CYB5R4: variants seen among roughly 807,000 people sequenced by gnomAD.
The protein encoded by CYB5R4 is N-terminal cytochrome b5 and cytochrome b5 oxidoreductase domain-containing protein.
In CYB5R4, 55 loss-of-function variants were observed where a neutral mutation model predicts 70.2. The ratio of observed to expected loss-of-function variants is 0.78; its 90% CI spans 0.63 to 0.98. The LOEUF is 0.98. Among genes scored for constraint, CYB5R4 ranks in the 50% least tolerant of loss-of-function variants. CYB5R4 has a pLI of 0.00. For synonymous variants in CYB5R4, 197 were observed against 199.5 expected (o/e 0.99, Z 0.11); for missense variants, 562 against 612.6 (o/e 0.92, Z 0.87).
At chr6:83,924,142 C>CTTTTTTTTTT (rs35960110) in intron 9 of CYB5R4, among the ~76,000 whole-genome samples, 3 of 129,930 alleles carry the variant, frequency 2.3e-5, no homozygotes, top group African/African-American at 6.1e-5. Context: ...ACATCTCAAC[C>CTTTTTTTTTT]TTTTTTTTTT....
In CYB5R4 at chr6:83,859,720, A is replaced by G. The variant is rs1412353047; in HGVS notation, c.-63A>G. 6.4e-6 allele frequency: 10 copies of G among 1,572,420 alleles called. No homozygotes were observed. In the East Asian group the frequency reaches 2.3e-4, roughly 36 times the overall value. ...GGCCTCTGCCCGGCCACAGAGCCGG[A>G]GCTGGAGGTGCTGTCCCGTCTGGCG... On this transcript the variant is annotated 5_prime_UTR_variant, in exon 1 of 16. Transcript: ENST00000369681.
intron 14 of CYB5R4, among the ~76,000 whole-genome samples, chr6:83,948,283 C>T (rs140928075): frequency 0.014 from 2,177 of 152,124 alleles, 50 homozygotes; most frequent in African/African-American, 0.049. Flanking sequence ...AACCAAATAC[C>T]GCATGTTCTT....
At chr6:83,953,774 T>C (rs535792963) in intron 14 of CYB5R4, among the ~76,000 whole-genome samples, 1 of 152,288 alleles carries the variant, frequency 6.6e-6, no homozygotes, top group South Asian at 2.1e-4. Context: ...GCTGATTGGC[T>C]AGAGGAGGAG....
chr6:83,867,027 A>G (rs2099456835), intron 2 of CYB5R4, among the ~76,000 whole-genome samples: 1 of 152,136 alleles, frequency 6.6e-6, no homozygotes, highest in Admixed American at 6.5e-5. Context: ...ATCTTTTTAC[A>G]GAGTTTGGTC....
At chr6:83,940,001 T>G in intron 12 of CYB5R4, 55 bp from the exon 13 acceptor site, 1 of 1,373,774 alleles carries the variant, frequency 7.3e-7, no homozygotes, top group Admixed American at 2.3e-5. Flanking sequence ...GCTGGGTTTT[T>G]TGTTTTGTTT....
At chr6:83,873,686 C>T (rs1231126932) in intron 2 of CYB5R4, among the ~76,000 whole-genome samples, 2 of 152,162 alleles carry the variant, frequency 1.3e-5, no homozygotes, top group Non-Finnish European at 2.9e-5. Flanking sequence ...CAAGGGTCTG[C>T]TATGCGTGTG....
intron 2 of CYB5R4, among the ~76,000 whole-genome samples, chr6:83,875,350 G>C (rs971163076): frequency 6.6e-6 from 1 of 151,908 alleles, no homozygotes; most frequent in African/African-American, 2.4e-5. Flanking sequence ...GGCTTAAGCG[G>C]TCCTCCTATA....
intron 1 of CYB5R4, among the ~76,000 whole-genome samples, chr6:83,860,565 C>T (rs1482175552): frequency 1.3e-5 from 2 of 152,114 alleles, no homozygotes; most frequent in Non-Finnish European, 2.9e-5. Flanking sequence ...AAATTGTGTT[C>T]TTTGTTCTTT....
At chr6:83,907,887 A>G (rs746023095) in intron 3 of CYB5R4, among the ~76,000 whole-genome samples, 1 of 152,096 alleles carries the variant, frequency 6.6e-6, no homozygotes, top group Non-Finnish European at 1.5e-5. Context: ...ATTTATGGGC[A>G]TTTAGGTTGA....
chr6:83,924,693 A>G, intron 10 of CYB5R4, 101 bp downstream of exon 10: 2 of 1,270,342 alleles, frequency 1.6e-6, no homozygotes, highest in Non-Finnish European at 2.2e-6. Flanking sequence ...AATGAGCTGA[A>G]GGGTCCTTGT....
intron 3 of CYB5R4, among the ~76,000 whole-genome samples, chr6:83,896,834 T>A (rs2099461979): frequency 6.6e-6 from 1 of 152,196 alleles, no homozygotes; most frequent in African/African-American, 2.4e-5. Context: ...TTTTAGTTTT[T>A]TAAGAAATCT....
rs1210285132 is a variant in CYB5R4 at position 83,910,000 on chromosome 6, ATGGTATTAG to A, written c.412+914_412+922del. The A allele has an allele frequency of 1.4e-5, 23 of 1,598,726 alleles. No individual in the cohort carries two copies. In the East Asian group the frequency reaches 2.0e-4, roughly 14 times the overall value. The stretch of plus-strand genomic sequence containing the variant: ...CATTAGTTTTTTATTATTAAAAATG[ATGGTATTAG>A]TGGCACATACATGTTAAGCTGGTAC... On this transcript the variant is annotated intron_variant, in intron 4 of 15. Coordinates refer to ENST00000369681, the MANE Select transcript of CYB5R4 (RefSeq NM_016230.4).
chr6:83,909,942 A>T, intron 4 of CYB5R4: 1 of 1,297,486 alleles, frequency 7.7e-7, no homozygotes, highest in Non-Finnish European at 1.1e-6. Context: ...CTAAAATGTT[A>T]ATAGTGTTGA....
intron 3 of CYB5R4, among the ~76,000 whole-genome samples, chr6:83,908,195 A>C (rs146991599): frequency 0.011 from 1,599 of 152,250 alleles, 34 homozygotes; most frequent in African/African-American, 0.037. Flanking sequence ...ATGGTATCTC[A>C]TTGTGGTTTT....
At chr6:83,948,527 T>C (rs2099471009) in intron 14 of CYB5R4, among the ~76,000 whole-genome samples, 2 of 152,082 alleles carry the variant, frequency 1.3e-5, no homozygotes, top group Admixed American at 6.6e-5. Flanking sequence ...TTTTAAAAAG[T>C]AAACAGACAT....
intron 2 of CYB5R4, among the ~76,000 whole-genome samples, chr6:83,866,529 C>G (rs2099456735): frequency 6.6e-6 from 1 of 152,006 alleles, no homozygotes. Flanking sequence ...TACTTAACCT[C>G]TACACTGCTC....
At chr6:83,901,651 G>A (rs963300296) in intron 3 of CYB5R4, among the ~76,000 whole-genome samples, 4 of 150,808 alleles carry the variant, frequency 2.7e-5, no homozygotes, top group African/African-American at 7.3e-5. Flanking sequence ...TGGAGGCTTT[G>A]TTCATTTCTG....
chr6:83,879,121 C>T (rs1269101378), intron 2 of CYB5R4, among the ~76,000 whole-genome samples: 1 of 151,840 alleles, frequency 6.6e-6, no homozygotes, highest in East Asian at 1.9e-4. Flanking sequence ...AGGGGCTGAG[C>T]TTTCTCATTG....
intron 12 of CYB5R4, among the ~76,000 whole-genome samples, 187 bp from the exon 13 acceptor site, chr6:83,939,869 A>C (rs1258319153): frequency 6.6e-6 from 1 of 152,170 alleles, no homozygotes; most frequent in Non-Finnish European, 1.5e-5. Context: ...TTAGGGGCCT[A>C]ATGAGTATCC....
Sources: allele counts gnomAD v4.1 joint callset (sites outside exome capture counted in the v4.1 genomes callset), GRCh38; gene constraint gnomAD v4.1.1; transcripts MANE v1.5; gene names NCBI Gene and HGNC (gene_info 2026-07-23, HGNC 2026-07-21).